The following PPP1R9A variants were observed in gnomAD, a reference collection of about 807,000 sequenced individuals.
PPP1R9A encodes neurabin-1.
Under a neutral mutation model 141.9 loss-of-function variants are expected in PPP1R9A, and 59 were observed. The observed-to-expected ratio is 0.42, with a 90% CI of 0.34 to 0.52. The LOEUF is 0.52. Ranked by LOEUF, PPP1R9A falls within the 20% of genes least tolerant of loss-of-function variation. The probability of loss-of-function intolerance (pLI) is 0.10; values close to 1 mark genes in which losing one functional copy is unlikely to be tolerated. For missense variants in PPP1R9A, 1,444 were observed against 1,611.9 expected (o/e 0.90, Z 1.78); for synonymous variants, 500 against 569.7 (o/e 0.88, Z 1.74).
chr7:95,140,175 T>G (rs140039796), intron 4 of PPP1R9A, among the ~76,000 whole-genome samples: 1 of 152,134 alleles, frequency 6.6e-6, no homozygotes, highest in Non-Finnish European at 1.5e-5. Context: ...GAGCGTAAGC[T>G]AGAGAGAACT....
chr7:95,014,028 T>C (rs769596191), intron 2 of PPP1R9A, among the ~76,000 whole-genome samples: 46 of 152,208 alleles, frequency 3.0e-4, no homozygotes, highest in Admixed American at 5.9e-4. Flanking sequence ...GTTACAGTCA[T>C]GATTATGTTT....
chr7:94,940,357 A>AT (rs559142311), intron 2 of PPP1R9A, among the ~76,000 whole-genome samples: 3,000 of 150,742 alleles, frequency 0.02, 66 homozygotes, highest in South Asian at 0.067. Context: ...TTTTCTTTTA[A>AT]TTTTTTTTTA....
intron 2 of PPP1R9A, among the ~76,000 whole-genome samples, chr7:94,975,358 T>G (rs1031001175): frequency 1.2e-3 from 7 of 5,984 alleles, no homozygotes; most frequent in South Asian, 7.6e-3. Flanking sequence ...TTTTTTTTGT[T>G]TTTTTTTTTT....
At chr7:95,195,337 T>A (rs1353301147) in intron 5 of PPP1R9A, among the ~76,000 whole-genome samples, 2 of 151,040 alleles carry the variant, frequency 1.3e-5, no homozygotes, top group Non-Finnish European at 3.0e-5. Context: ...CTGGAGGGCA[T>A]TGGTGCAATC....
intron 4 of PPP1R9A, among the ~76,000 whole-genome samples, chr7:95,147,107 T>C (rs538726057): frequency 6.6e-6 from 1 of 152,230 alleles, no homozygotes; most frequent in African/African-American, 2.4e-5. Context: ...TTTCATGATA[T>C]TGATTCTTCC....
intron 5 of PPP1R9A, among the ~76,000 whole-genome samples, chr7:95,181,895 T>C (rs1253025941): frequency 6.6e-6 from 1 of 151,058 alleles, no homozygotes; most frequent in Non-Finnish European, 1.5e-5. Context: ...TCGATGAGAT[T>C]GGAGACTATT....
intron 6 of PPP1R9A, 91 bp from the exon 7 acceptor site, chr7:95,203,574 C>T: frequency 1.1e-6 from 1 of 912,790 alleles, no homozygotes; most frequent in Non-Finnish European, 1.7e-6. Flanking sequence ...TTACAGTAAG[C>T]ACTGGGACTC....
intron 4 of PPP1R9A, among the ~76,000 whole-genome samples, chr7:95,141,348 A>G (rs1826645903): frequency 6.6e-6 from 1 of 152,170 alleles, no homozygotes; most frequent in Admixed American, 6.5e-5. Context: ...ACCTTTATTG[A>G]TATGTAATTC....
chr7:95,142,181 ATTCT>A (rs1826820366), intron 4 of PPP1R9A, among the ~76,000 whole-genome samples: 1 of 152,060 alleles, frequency 6.6e-6, no homozygotes, highest in South Asian at 2.1e-4. Flanking sequence ...GAATATTCAG[ATTCT>A]TTCCCCATTT....
chr7:95,123,674 C>G (rs66841253), intron 4 of PPP1R9A, among the ~76,000 whole-genome samples: 32,889 of 151,934 alleles, frequency 0.22, 5,235 homozygotes, highest in African/African-American at 0.44. Flanking sequence ...AAAAAAACTT[C>G]ATGTGATGTA....
In PPP1R9A at chr7:95,285,780, G is replaced by C. The variant is rs59648215; in HGVS notation, c.3610-426G>C. 7.6e-3 allele frequency among the ~76,000 whole-genome samples: 1,155 copies of C among 152,308 alleles called. 16 individuals carry two copies. The highest frequency in any genetic ancestry group is 0.026 in the African/African-American group (1,099 of 41,552). ...AGCCAACAATAAGCGATCCTTCCCA[G>C]GAGGTGCTCTAGCTACCTTTCTAAT... On this transcript the variant is annotated intron_variant, in intron 17 of 19. Transcript: ENST00000433360.
intron 2 of PPP1R9A, among the ~76,000 whole-genome samples, chr7:94,934,723 G>A (rs115340689): frequency 0.011 from 1,659 of 151,562 alleles, 32 homozygotes; most frequent in African/African-American, 0.039. Context: ...GTGTGTATAC[G>A]TATATGTACA....
At position 95,284,228 on chromosome 7, in the gene PPP1R9A, A is replaced by G. The variant is rs374214129; in HGVS notation, c.3507A>G (p.Thr1169=). Residue 1169 remains threonine, a synonymous_variant, in exon 17 of 20, where the codon ACA becomes ACG. Transcript: ENST00000433360. The part of the protein sequence containing the change: ...SDKKGSKVEN[T]WITKANKRNP... ...AAAAGGGGTCCAAGGTAGAAAACAC[A>G]TGGATTACAAAAGCAAACAAGAGAA... The G allele has an allele frequency of 5.1e-6, 8 of 1,567,080 alleles. No individual in the cohort carries two copies. The Admixed American group carries it at 1.0e-4, about 20-fold the overall frequency.
At chr7:95,090,009 A>G (rs1411894315) in intron 2 of PPP1R9A, among the ~76,000 whole-genome samples, 1 of 151,980 alleles carries the variant, frequency 6.6e-6, no homozygotes, top group East Asian at 1.9e-4. Context: ...AAGATAAAGT[A>G]CAGTGGACTT....
At chr7:95,278,804 A>T (rs1189291734) in intron 16 of PPP1R9A, among the ~76,000 whole-genome samples, 1 of 152,172 alleles carries the variant, frequency 6.6e-6, no homozygotes, top group African/African-American at 2.4e-5. Context: ...CCAAAAACAC[A>T]ATGTCAATAT....
intron 4 of PPP1R9A, among the ~76,000 whole-genome samples, chr7:95,127,769 A>G (rs771392524): frequency 1.3e-5 from 2 of 152,222 alleles, no homozygotes; most frequent in Non-Finnish European, 2.9e-5. Flanking sequence ...AATATGCAGT[A>G]TTTGGTTTTC....
At chr7:94,970,157 G>A (rs947183289) in intron 2 of PPP1R9A, among the ~76,000 whole-genome samples, 8 of 152,086 alleles carry the variant, frequency 5.3e-5, no homozygotes, top group African/African-American at 1.9e-4. Flanking sequence ...GGAGTGAACG[G>A]TTCTGTCTCA....
At chr7:95,171,295 A>G (rs1448881581) in intron 5 of PPP1R9A, among the ~76,000 whole-genome samples, 2 of 151,620 alleles carry the variant, frequency 1.3e-5, no homozygotes, top group African/African-American at 4.8e-5. Flanking sequence ...TTGTCATATT[A>G]TATTTTTAGA....
At chr7:95,082,766 C>CTTT (rs1159814204) in intron 2 of PPP1R9A, among the ~76,000 whole-genome samples, 28 of 109,498 alleles carry the variant, frequency 2.6e-4, no homozygotes, top group East Asian at 3.9e-4. Flanking sequence ...GAAGGGATTT[C>CTTT]TTTTTTTTTT....
Sources: allele counts gnomAD v4.1 joint callset (sites outside exome capture counted in the v4.1 genomes callset), GRCh38; gene constraint gnomAD v4.1.1; transcripts MANE v1.5; gene names NCBI Gene and HGNC (gene_info 2026-07-23, HGNC 2026-07-21).